MYO16: variants seen among roughly 807,000 people sequenced by gnomAD.
MYO16 encodes the protein myosin XVI, also known as unconventional myosin-XVI.
MYO16 carries 94 observed loss-of-function variants against 205.3 expected under a neutral mutation model. The observed-to-expected ratio is 0.46, with a 90% CI of 0.39 to 0.54. The LOEUF (loss-of-function observed/expected upper bound fraction) is 0.54, where lower values mean the gene tolerates loss of function less well. Ranked by LOEUF, MYO16 falls within the 20% of genes least tolerant of loss-of-function variation. The pLI is 0.00. For synonymous variants in MYO16, 988 were observed against 954.0 expected, an observed-to-expected ratio of 1.04 and a Z score of -0.66; for missense variants, 2,315 against 2,387.5, an observed-to-expected ratio of 0.97 and a Z score of 0.63.
chr13:108,921,699 A>G (rs1302888336), intron 16 of MYO16, among the ~76,000 whole-genome samples: 1 of 152,216 alleles, frequency 6.6e-6, no homozygotes, highest in Non-Finnish European at 1.5e-5. Flanking sequence ...GTCTTTTGCA[A>G]TTTGTGAGTA....
intron 33 of MYO16, among the ~76,000 whole-genome samples, chr13:109,170,743 C>G (rs545035996): frequency 6.6e-6 from 1 of 151,708 alleles, no homozygotes; most frequent in Admixed American, 6.6e-5. Flanking sequence ...AAGCAGAAAC[C>G]CTCTAGACCA....
chr13:108,710,010 T>C (rs1883658823), intron 2 of MYO16, among the ~76,000 whole-genome samples: 1 of 80,976 alleles, frequency 1.2e-5, no homozygotes, highest in Admixed American at 1.2e-4. Context: ...AAGCCTTTCT[T>C]CCTAGCCTGT....
chr13:109,119,965 T>A (rs1466808264), intron 28 of MYO16, among the ~76,000 whole-genome samples: 1 of 152,234 alleles, frequency 6.6e-6, no homozygotes, highest in Non-Finnish European at 1.5e-5. Context: ...GTTTGGTCTT[T>A]TGAGTATTTG....
At chr13:109,138,528 G>T (rs762382038) in intron 31 of MYO16, among the ~76,000 whole-genome samples, 3 of 151,934 alleles carry the variant, frequency 2.0e-5, no homozygotes, top group Non-Finnish European at 2.9e-5. Context: ...AAGTAGTTTT[G>T]TTCCATCTCT....
chr13:108,697,920 G>A (rs745998593), intron 2 of MYO16, among the ~76,000 whole-genome samples: 5 of 151,948 alleles, frequency 3.3e-5, no homozygotes, highest in Admixed American at 6.6e-5. Flanking sequence ...ACAGGGTTTT[G>A]CTATGTTGCC....
chr13:108,532,028 G>A, the MYO16 span, among the ~76,000 whole-genome samples: 1 of 151,962 alleles, frequency 6.6e-6, no homozygotes, highest in Admixed American at 6.6e-5. Flanking sequence ...TCAACATGGT[G>A]AAACCCTGTC....
intron 16 of MYO16, among the ~76,000 whole-genome samples, chr13:108,949,865 C>T (rs1306460350): frequency 6.6e-6 from 1 of 151,962 alleles, no homozygotes; most frequent in Non-Finnish European, 1.5e-5. Context: ...CAGAAATAGA[C>T]TCACACAAAT....
Position 109,206,614 on chromosome 13 carries a change from C to T in MYO16, c.5421C>T (p.Ile1807=). The change falls in exon 35 of 35, where the codon ATC becomes ATT. Residue 1807 remains isoleucine, a synonymous_variant. Transcript: ENST00000457511. ...RHRDSHTTQV[I]HQLRLSENES... ...TGCCCCTCTTCCTCCCACAGGTAAT[C>T]CATCAGCTGAGGCTCTCAGAGAATG... 4 of 1,610,716 alleles carry T rather than the reference C, an allele frequency of 2.5e-6. No individual in the cohort carries two copies. Among genetic ancestry groups the T allele is most frequent in the Non-Finnish European group, 3.4e-6 (4 of 1,177,236 alleles).
chr13:108,893,592 C>A (rs1880270185), intron 14 of MYO16, among the ~76,000 whole-genome samples: 1 of 151,958 alleles, frequency 6.6e-6, no homozygotes, highest in South Asian at 2.1e-4. Context: ...ATGGAGCTAT[C>A]TAGTAGAAAG....
chr13:108,714,194 T>C (rs547781277), intron 3 of MYO16, among the ~76,000 whole-genome samples: 48 of 152,246 alleles, frequency 3.2e-4, no homozygotes, highest in African/African-American at 1.1e-3. Flanking sequence ...TAGCTGGGAC[T>C]ACAGGCACCC....
intron 4 of MYO16, among the ~76,000 whole-genome samples, chr13:108,762,328 A>G (rs1371638202): frequency 6.6e-6 from 1 of 152,178 alleles, no homozygotes; most frequent in Non-Finnish European, 1.5e-5. Flanking sequence ...TCTTTTTGAT[A>G]TAATGATTTA....
intron 15 of MYO16, among the ~76,000 whole-genome samples, chr13:108,901,189 T>A (rs1295568915): frequency 6.6e-6 from 1 of 152,226 alleles, no homozygotes; most frequent in African/African-American, 2.4e-5. Flanking sequence ...CCTGTGGTCC[T>A]GTGATCTCGC....
chr13:109,146,555 G>T (rs1459367006), intron 32 of MYO16, among the ~76,000 whole-genome samples: 2 of 152,066 alleles, frequency 1.3e-5, no homozygotes, highest in East Asian at 3.9e-4. Flanking sequence ...GGTTGAGGTG[G>T]AAGGATCGCT....
intron 4 of MYO16, among the ~76,000 whole-genome samples, chr13:108,770,768 T>C (rs1885935274): frequency 1.3e-5 from 2 of 152,216 alleles, no homozygotes; most frequent in African/African-American, 4.8e-5. Context: ...ATTTCCAATA[T>C]AAATTCCAAC....
the MYO16 span, among the ~76,000 whole-genome samples, chr13:108,522,910 G>A: frequency 2.0e-5 from 3 of 152,092 alleles, no homozygotes; most frequent in African/African-American, 4.8e-5. Flanking sequence ...TCCAAATAGG[G>A]TCATATTCTG....
intron 21 of MYO16, among the ~76,000 whole-genome samples, chr13:109,005,875 A>G (rs1184182223): frequency 6.6e-6 from 1 of 152,128 alleles, no homozygotes; most frequent in Non-Finnish European, 1.5e-5. Context: ...ACAATGTCAT[A>G]AATTTCCATT....
intron 4 of MYO16, among the ~76,000 whole-genome samples, chr13:108,769,717 T>A (rs1395860935): frequency 1.3e-5 from 2 of 152,068 alleles, no homozygotes; most frequent in Non-Finnish European, 2.9e-5. Flanking sequence ...GTATGATTCA[T>A]CAGGAAGGAA....
chr13:109,023,400 TTTA>T (rs1184271715), intron 23 of MYO16, among the ~76,000 whole-genome samples: 2 of 44,294 alleles, frequency 4.5e-5, no homozygotes, highest in Non-Finnish European at 8.3e-5. Flanking sequence ...TAAATATATA[TTTA>T]TATATTATAC....
chr13:109,154,911 G>GAAAAAAAAAAAAAAAAA (rs59465499), intron 32 of MYO16, among the ~76,000 whole-genome samples: 6 of 62,682 alleles, frequency 9.6e-5, no homozygotes, highest in Admixed American at 4.0e-4. Context: ...GGCTAATTAT[G>GAAAAAAAAAAAAAAAAA]AAAAAAAAAA....
Sources: allele counts gnomAD v4.1 joint callset (sites outside exome capture counted in the v4.1 genomes callset), GRCh38; gene constraint gnomAD v4.1.1; transcripts MANE v1.5; gene names NCBI Gene and HGNC (gene_info 2026-07-23, HGNC 2026-07-21).